The following TCP11L2 variants were observed in gnomAD, a reference collection of about 807,000 sequenced individuals.
The protein encoded by TCP11L2 is T-complex protein 11-like protein 2.
Under a neutral mutation model 50.7 loss-of-function variants are expected in TCP11L2, and 39 were observed. The observed-to-expected ratio is 0.77, with a 90% CI of 0.60 to 1.01. TCP11L2 has a LOEUF of 1.01. Ranked by LOEUF, TCP11L2 falls within the 50% of genes least tolerant of loss-of-function variation. The pLI is 0.00. For missense variants in TCP11L2, 612 were observed against 614.7 expected (o/e 1.00, Z 0.05); for synonymous variants, 192 against 219.3 (o/e 0.88, Z 1.10).
intron 1 of TCP11L2, among the ~76,000 whole-genome samples, chr12:106,309,785 C>T: frequency 6.6e-6 from 1 of 151,708 alleles, no homozygotes; most frequent in East Asian, 1.9e-4. Flanking sequence ...TGGTTACTTT[C>T]CCCGGTGCTC....
rs561185796 is a variant in TCP11L2, at chr12:106,312,609, G to A, written c.157+1377G>A. Among the ~76,000 whole-genome samples, 39 of 152,188 alleles carry A rather than the reference G, an allele frequency of 2.6e-4. No individual in the cohort carries two copies. In the South Asian group the frequency reaches 5.2e-3, roughly 20 times the overall value. ...TCTCCTAAAAATTAGGTAGCCAGGC[G>A]CAGTGGCTCACACCTGTAATCCCAG... On this transcript the variant is annotated intron_variant, in intron 2 of 9. Coordinates refer to ENST00000299045, the MANE Select transcript of TCP11L2 (RefSeq NM_152772.3).
At chr12:106,324,135 C>G (rs2264814) in intron 6 of TCP11L2, 88,246 of 151,950 alleles carry the variant, frequency 0.58, 25,925 homozygotes, top group East Asian at 0.78. Flanking sequence ...TTATTAAGTG[C>G]TATGAAGAAA....
chr12:106,329,463 G>T, intron 6 of TCP11L2: 1 of 1,527,078 alleles, frequency 6.5e-7, no homozygotes, highest in Non-Finnish European at 8.7e-7. Flanking sequence ...CACTCTAAAC[G>T]CATGCTCCTT....
At position 106,321,552 on chromosome 12, in the gene TCP11L2, A is replaced by G; in HGVS notation, c.481A>G (p.Thr161Ala). 1 of 1,614,234 alleles carries G rather than the reference A, an allele frequency of 6.2e-7. No individual in the cohort carries two copies. Among genetic ancestry groups the G allele is most frequent in the South Asian group, 1.1e-5 (1 of 91,088 alleles). Residue 161 changes from threonine (T) to alanine (A), a missense_variant, in exon 5 of 10, where the codon ACA becomes GCA. Coordinates refer to ENST00000299045, the MANE Select transcript of TCP11L2 (RefSeq NM_152772.3). ...LRNQICEVLD[T>A]DLIRQQAEHS... Reference sequence around the variant, plus strand: ...CAACCAAATCTGTGAAGTTTTGGACACAGACCTCATTAGGCAGCAGGCTGA... The same window carrying G: ...CAACCAAATCTGTGAAGTTTTGGACGCAGACCTCATTAGGCAGCAGGCTGA...
intron 6 of TCP11L2, among the ~76,000 whole-genome samples, chr12:106,328,111 C>T (rs963696765): frequency 2.0e-4 from 30 of 152,332 alleles, no homozygotes; most frequent in Middle Eastern, 3.4e-3. Context: ...ACATAAATAT[C>T]ACTTTCAGAA....
At chr12:106,330,355 G>A (rs2035703064) in intron 6 of TCP11L2, 8 of 982,922 alleles carry the variant, frequency 8.1e-6, no homozygotes, top group Non-Finnish European at 9.7e-6. Flanking sequence ...GGTTCTCTTA[G>A]GGGTGATTTT....
At position 106,342,626 on chromosome 12, in the gene TCP11L2, T is replaced by C. The variant is rs2036122766; in HGVS notation, c.1315+1628T>C. On this transcript the variant is annotated intron_variant, in intron 9 of 9. Transcript: ENST00000299045. ...AGGTTTGTTCACTGCTATATTCTTG[T>C]GCAATGCTGCACGTGCACATATATT... 2.0e-5 allele frequency among the ~76,000 whole-genome samples: 3 copies of C among 152,336 alleles called. No homozygotes were observed. The South Asian group carries it at 6.2e-4, about 32-fold the overall frequency.
At chr12:106,328,915 A>G (rs2035648507) in intron 6 of TCP11L2, among the ~76,000 whole-genome samples, 1 of 152,150 alleles carries the variant, frequency 6.6e-6, no homozygotes, top group Non-Finnish European at 1.5e-5. Context: ...AGATCCCGGG[A>G]AGGAGTCGGC....
At chr12:106,300,759 A>C (rs2034394595), upstream of TCP11L2, among the ~76,000 whole-genome samples, 1 of 152,164 alleles carries the variant, frequency 6.6e-6, no homozygotes, top group Admixed American at 6.5e-5. Flanking sequence ...TTCTTATCTC[A>C]GCTTGGTTCT....
chr12:106,308,406 G>C (rs1244571377), intron 1 of TCP11L2, among the ~76,000 whole-genome samples: 1 of 152,156 alleles, frequency 6.6e-6, no homozygotes, highest in Non-Finnish European at 1.5e-5. Context: ...TTTCTGCCTT[G>C]TTAAACACAG....
chr12:106,318,393 T>G lies in TCP11L2; in HGVS notation c.343T>G (p.Leu115Val). Reference protein sequence around the residue: ...HIVHQAFWDVLDSELNADPPE... With the variant: ...HIVHQAFWDVVDSELNADPPE... ...TGTTCACCAGGCCTTCTGGGACGTCTTGGATTCAGAACTAAATGCTGACCC... is the reference window on the plus strand; with the variant it reads ...TGTTCACCAGGCCTTCTGGGACGTCGTGGATTCAGAACTAAATGCTGACCC... Residue 115 changes from leucine (L) to valine (V), a missense_variant, in exon 4 of 10, where the codon TTG becomes GTG. Transcript: ENST00000299045. 1 of 1,614,118 alleles carries G rather than the reference T, an allele frequency of 6.2e-7. No individual in the cohort carries two copies. Among genetic ancestry groups the G allele is most frequent in the Non-Finnish European group, 8.5e-7 (1 of 1,179,968 alleles).
intron 6 of TCP11L2, among the ~76,000 whole-genome samples, chr12:106,326,240 C>T (rs1019083030): frequency 6.6e-6 from 1 of 152,100 alleles, no homozygotes; most frequent in South Asian, 2.1e-4. Flanking sequence ...CCCTGGCAGG[C>T]AGGAGCACAT....
At chr12:106,334,981 C>T (rs972271205) in intron 6 of TCP11L2, among the ~76,000 whole-genome samples, 3 of 151,954 alleles carry the variant, frequency 2.0e-5, no homozygotes, top group Admixed American at 6.6e-5. Flanking sequence ...ATTCAAAACT[C>T]CCCATTCCCA....
chr12:106,315,759 T>C (rs1170992677), intron 3 of TCP11L2, among the ~76,000 whole-genome samples: 2 of 152,202 alleles, frequency 1.3e-5, no homozygotes, highest in Non-Finnish European at 1.5e-5. Flanking sequence ...TACTTCAGCC[T>C]TTCTGGAGTC....
At chr12:106,313,582 A>AAATAAATAAAT (rs1555201345) in intron 2 of TCP11L2, among the ~76,000 whole-genome samples, 5 of 139,334 alleles carry the variant, frequency 3.6e-5, no homozygotes, top group African/African-American at 5.4e-5. Flanking sequence ...CCATCTCAAA[A>AAATAAATAAAT]AAATAAATAA....
intron 1 of TCP11L2, among the ~76,000 whole-genome samples, chr12:106,306,101 G>C (rs950451487): frequency 6.6e-6 from 1 of 152,224 alleles, no homozygotes; most frequent in Admixed American, 6.5e-5. Flanking sequence ...CTGTCTAGAA[G>C]AGTTCTTGTA....
chr12:106,346,114 C>G (rs2036222368), intron 9 of TCP11L2, among the ~76,000 whole-genome samples, 172 bp from the exon 10 acceptor site: 1 of 152,130 alleles, frequency 6.6e-6, no homozygotes, highest in Admixed American at 6.6e-5. Flanking sequence ...AAAACACACT[C>G]CAGCTTTGAT....
Position 106,338,014 on chromosome 12 carries a change from C to G in TCP11L2, c.1142+1801C>G, listed in dbSNP as rs189487442. Among the ~76,000 whole-genome samples, 157 of 152,122 alleles carry G rather than the reference C, an allele frequency of 1.0e-3. 4 individuals carry two copies. The East Asian group carries it at 0.017, about 16-fold the overall frequency. ...AAAGGGATAGTACTAAATAATAGAC[C>G]AAGATGTCATTTATATTGGGTTTGA... On this transcript the variant is annotated intron_variant, in intron 8 of 9. Transcript: ENST00000299045.
intron 6 of TCP11L2, chr12:106,325,890 C>A (rs566432506): frequency 3.6e-5 from 2 of 56,034 alleles, no homozygotes; most frequent in Non-Finnish European, 6.3e-5. Context: ...GACTCCGTCT[C>A]GGAAAAAAAA....
Sources: allele counts gnomAD v4.1 joint callset (sites outside exome capture counted in the v4.1 genomes callset), GRCh38; gene constraint gnomAD v4.1.1; transcripts MANE v1.5; gene names NCBI Gene and HGNC (gene_info 2026-07-23, HGNC 2026-07-21).